The following KIAA0319L variants were observed in gnomAD, a reference collection of about 807,000 sequenced individuals.
KIAA0319L encodes KIAA0319 like, also known as dyslexia-associated protein KIAA0319-like protein.
Under a neutral mutation model 120.1 loss-of-function variants are expected in KIAA0319L, and 55 were observed. That is an observed-to-expected ratio of 0.46 (90% confidence interval 0.37 to 0.57). The LOEUF is 0.57. Among genes scored for constraint, KIAA0319L ranks in the 20% least tolerant of loss-of-function variants. KIAA0319L has a pLI of 0.00. For missense variants in KIAA0319L, 1,049 were observed against 1,255.3 expected (o/e 0.84, Z 2.48); for synonymous variants, 398 against 471.9 (o/e 0.84, Z 2.03).
chr1:35,484,806 ATTT>A (rs1198710657), intron 3 of KIAA0319L, among the ~76,000 whole-genome samples: 105 of 86,234 alleles, frequency 1.2e-3, no homozygotes, highest in African/African-American at 1.8e-3. Context: ...ATATATATAT[ATTT>A]TTTTTTTTAT....
intron 3 of KIAA0319L, among the ~76,000 whole-genome samples, chr1:35,488,010 A>G (rs1252042394): frequency 2.6e-5 from 4 of 152,184 alleles, no homozygotes; most frequent in Non-Finnish European, 5.9e-5. Flanking sequence ...TGCTTTTTCT[A>G]TCATGAACTC....
intron 5 of KIAA0319L, 60 bp downstream of exon 5, chr1:35,474,745 G>C: frequency 1.0e-6 from 1 of 978,252 alleles, no homozygotes; most frequent in Non-Finnish European, 1.6e-6. Flanking sequence ...GGACAACACA[G>C]CAAGACTCCA....
At chr1:35,468,035 A>G (rs1199329782) in intron 6 of KIAA0319L, among the ~76,000 whole-genome samples, 1 of 152,220 alleles carries the variant, frequency 6.6e-6, no homozygotes, top group Non-Finnish European at 1.5e-5. Context: ...CAGTATATGA[A>G]CAAATGTGTC....
At chr1:35,479,966 A>AAAAAAAAAAAAAAAAAAC (rs1644090904) in intron 3 of KIAA0319L, among the ~76,000 whole-genome samples, 2 of 130,782 alleles carry the variant, frequency 1.5e-5, no homozygotes, top group African/African-American at 6.6e-5. Flanking sequence ...AAAAAAAAAA[A>AAAAAAAAAAAAAAAAAAC]AAAAAACACA....
chr1:35,465,013 G>A (rs571317528), intron 7 of KIAA0319L, among the ~76,000 whole-genome samples: 4 of 152,252 alleles, frequency 2.6e-5, no homozygotes, highest in Non-Finnish European at 5.9e-5. Context: ...TGGATGTCCA[G>A]GCAGATGTCT....
At chr1:35,522,110 AGTAT>A (rs1309261462) in intron 2 of KIAA0319L, among the ~76,000 whole-genome samples, 1 of 152,230 alleles carries the variant, frequency 6.6e-6, no homozygotes, top group African/African-American at 2.4e-5. Flanking sequence ...GGTTCAGAGC[AGTAT>A]GTATAGCATG....
intron 5 of KIAA0319L, among the ~76,000 whole-genome samples, chr1:35,473,142 C>CTGGA (rs1157952910): frequency 5.2e-5 from 7 of 135,818 alleles, no homozygotes; most frequent in Non-Finnish European, 9.1e-5. Context: ...GTCACCCAGG[C>CTGGA]TGGAGTGCAA....
At chr1:35,542,071 G>A (rs1175842418) in intron 2 of KIAA0319L, among the ~76,000 whole-genome samples, 1 of 152,214 alleles carries the variant, frequency 6.6e-6, no homozygotes, top group Non-Finnish European at 1.5e-5. Flanking sequence ...CCACTGGACA[G>A]AGGTTTAAGA....
chr1:35,504,492 A>G (rs887004953), intron 3 of KIAA0319L, among the ~76,000 whole-genome samples: 2 of 152,164 alleles, frequency 1.3e-5, no homozygotes, highest in African/African-American at 4.8e-5. Context: ...CATCACACCC[A>G]GCCAATTTTC....
intron 16 of KIAA0319L, among the ~76,000 whole-genome samples, chr1:35,446,645 C>T (rs1415797052): frequency 6.6e-6 from 1 of 152,194 alleles, no homozygotes; most frequent in Non-Finnish European, 1.5e-5. Flanking sequence ...GCCAGATCAC[C>T]CCTTAACTTC....
Position 35,456,170 on chromosome 1 carries a change from T to G in KIAA0319L, c.1499A>C (p.Asp500Ala), listed in dbSNP as rs1642438941. 1.2e-6 allele frequency: 2 copies of G among 1,613,238 alleles called. No homozygotes were observed. The highest frequency in any genetic ancestry group is 1.7e-6 in the Non-Finnish European group (2 of 1,179,600). Residue 500 changes from aspartate to alanine, a missense_variant, in exon 10 of 21, where the codon GAT becomes GCT. Transcript: ENST00000325722. ...TANLTVNKAV[D>A]YPPVANAGPN... ...GCCTGCGTTGGCCACAGGGGGGTAA[T>G]CCACAGCTTTGTTCACTGTCAGGTT...
chr1:35,503,445 C>A (rs1311014210), intron 3 of KIAA0319L, among the ~76,000 whole-genome samples: 2 of 152,220 alleles, frequency 1.3e-5, no homozygotes, highest in African/African-American at 4.8e-5. Context: ...ATACTCCAGA[C>A]CTACCGAGTC....
At chr1:35,522,176 T>A (rs950484862) in intron 2 of KIAA0319L, among the ~76,000 whole-genome samples, 13 of 152,120 alleles carry the variant, frequency 8.5e-5, no homozygotes, top group Non-Finnish European at 1.5e-4. Flanking sequence ...ATATAGGCTA[T>A]TTTTGGAAGA....
At chr1:35,454,845 A>G (rs1428807583) in intron 10 of KIAA0319L, 1 of 207,564 alleles carries the variant, frequency 4.8e-6, no homozygotes, top group African/African-American at 2.3e-5. Flanking sequence ...TTTTAAAAAC[A>G]CTGTTTAAAA....
intron 3 of KIAA0319L, among the ~76,000 whole-genome samples, chr1:35,481,936 T>A: frequency 6.8e-6 from 1 of 147,898 alleles, no homozygotes. Context: ...GCCATTCTCC[T>A]GCCTCAGCCT....
chr1:35,518,661 G>C (rs920205233), intron 2 of KIAA0319L, among the ~76,000 whole-genome samples: 8 of 152,088 alleles, frequency 5.3e-5, no homozygotes, highest in African/African-American at 1.9e-4. Context: ...TGTGACACGA[G>C]TTTACTTATA....
chr1:35,456,460 A>G (rs1642460849), intron 9 of KIAA0319L, among the ~76,000 whole-genome samples: 1 of 152,158 alleles, frequency 6.6e-6, no homozygotes, highest in Non-Finnish European at 1.5e-5. Context: ...ATCTCATTAA[A>G]TCCTCACAAC....
intron 2 of KIAA0319L, among the ~76,000 whole-genome samples, chr1:35,509,205 A>G (rs1645326610): frequency 1.3e-5 from 2 of 152,198 alleles, no homozygotes; most frequent in African/African-American, 4.8e-5. Flanking sequence ...GTTTAAACAA[A>G]GTACCAGAAA....
chr1:35,508,787 A>G (rs560710813), intron 2 of KIAA0319L, among the ~76,000 whole-genome samples: 1 of 152,336 alleles, frequency 6.6e-6, no homozygotes, highest in Non-Finnish European at 1.5e-5. Flanking sequence ...TTACCTTTAT[A>G]TCAATTTTCC....
Sources: gnomAD v4.1 joint callset for allele counts (sites outside exome capture counted in the v4.1 genomes callset) on GRCh38, gnomAD v4.1.1 for gene constraint, MANE v1.5 for transcripts, NCBI Gene and HGNC (gene_info 2026-07-23, HGNC 2026-07-21) for gene names.